POT1: variants seen among roughly 807,000 people sequenced by gnomAD.
POT1 encodes the protein protection of telomeres protein 1.
A neutral mutation model predicts 78.5 loss-of-function variants in POT1; 47 were observed. The observed-to-expected ratio is 0.60, with a 90% confidence interval of 0.47 to 0.76. The LOEUF is 0.76. POT1 is among the 30% of genes least tolerant of loss of function. POT1 has a pLI of 0.00. For synonymous variants in POT1, 259 were observed against 260.7 expected, an observed-to-expected ratio of 0.99 and a Z score of 0.06; for missense variants, 646 against 749.9, an observed-to-expected ratio of 0.86 and a Z score of 1.62.
At chr7:124,871,280 G>C (rs1321794304) in intron 6 of POT1, among the ~76,000 whole-genome samples, 1 of 151,980 alleles carries the variant, frequency 6.6e-6, no homozygotes, top group Non-Finnish European at 1.5e-5. Flanking sequence ...ATCTCATTCA[G>C]TGTAAATTGT....
chr7:124,862,083 A>C (rs1795611695), intron 8 of POT1, among the ~76,000 whole-genome samples: 1 of 151,994 alleles, frequency 6.6e-6, no homozygotes, highest in Non-Finnish European at 1.5e-5. Context: ...TCTTGGCTAT[A>C]TGGGCTCTTT....
chr7:124,917,784 C>T (rs1269866836), intron 2 of POT1, among the ~76,000 whole-genome samples: 1 of 152,032 alleles, frequency 6.6e-6, no homozygotes, highest in Non-Finnish European at 1.5e-5. Context: ...TTGGAATGGG[C>T]CACACTGGTT....
intron 13 of POT1, 32 bp from the exon 14 acceptor site, chr7:124,841,210 C>A: frequency 1.9e-6 from 3 of 1,559,030 alleles, no homozygotes; most frequent in South Asian, 2.3e-5. Flanking sequence ...TGATAGAAAT[C>A]GATTTTGGTG....
intron 3 of POT1, among the ~76,000 whole-genome samples, chr7:124,908,074 G>A (rs897504184): frequency 1.3e-5 from 2 of 151,734 alleles, no homozygotes; most frequent in African/African-American, 4.8e-5. Context: ...GCAAGAAAAG[G>A]GCATTGAAAA....
intron 6 of POT1, among the ~76,000 whole-genome samples, chr7:124,875,573 T>C (rs1306696127): frequency 6.6e-6 from 1 of 152,136 alleles, no homozygotes; most frequent in Non-Finnish European, 1.5e-5. Flanking sequence ...TAACCATTAT[T>C]AGATGAATCA....
At chr7:124,896,235 T>C (rs1479226760) in intron 5 of POT1, among the ~76,000 whole-genome samples, 1 of 151,762 alleles carries the variant, frequency 6.6e-6, no homozygotes, top group Non-Finnish European at 1.5e-5. Flanking sequence ...CTATGCTTGA[T>C]TTAACTTACA....
chr7:124,844,395 C>T (rs372773631), intron 12 of POT1, among the ~76,000 whole-genome samples: 4 of 148,478 alleles, frequency 2.7e-5, no homozygotes, highest in African/African-American at 7.3e-5. Context: ...TCCCAAAGTG[C>T]TGGGATTACG....
chr7:124,827,514 T>G (rs1264215953), intron 16 of POT1, among the ~76,000 whole-genome samples: 1 of 152,198 alleles, frequency 6.6e-6, no homozygotes, highest in Non-Finnish European at 1.5e-5. Context: ...AGGGATTGCC[T>G]GCTTGGTGTG....
intron 15 of POT1, among the ~76,000 whole-genome samples, chr7:124,832,990 C>T (rs946887859): frequency 1.3e-5 from 2 of 152,044 alleles, no homozygotes; most frequent in East Asian, 1.9e-4. Context: ...GGGGAAAGAA[C>T]AAAAGCAAGT....
intron 3 of POT1, among the ~76,000 whole-genome samples, chr7:124,909,015 A>G (rs1424310324): frequency 6.6e-6 from 1 of 151,936 alleles, no homozygotes; most frequent in Non-Finnish European, 1.5e-5. Flanking sequence ...AACCAAGACA[A>G]GAAGCCAAAT....
At chr7:124,854,219 A>G (rs1199424667) in intron 9 of POT1, among the ~76,000 whole-genome samples, 2 of 152,164 alleles carry the variant, frequency 1.3e-5, no homozygotes, top group Non-Finnish European at 2.9e-5. Flanking sequence ...ACCCAAGTCT[A>G]AAAACGAAAT....
chr7:124,894,012 G>A (rs928950447), intron 5 of POT1, among the ~76,000 whole-genome samples: 9 of 151,378 alleles, frequency 5.9e-5, no homozygotes, highest in East Asian at 1.9e-4. Context: ...GAATAAGTTG[G>A]GAAAGAAAAG....
At chr7:124,858,815 T>C (rs1795508783) in intron 9 of POT1, 142 bp downstream of exon 9, 1 of 502,094 alleles carries the variant, frequency 2.0e-6, no homozygotes, top group East Asian at 3.3e-5. Context: ...ACATACATTT[T>C]ACAACTTAAA....
intron 11 of POT1, among the ~76,000 whole-genome samples, chr7:124,850,905 GAA>G (rs34336240): frequency 4.3e-5 from 6 of 140,608 alleles, no homozygotes; most frequent in Non-Finnish European, 7.8e-5. Context: ...GAGTTAGGTA[GAA>G]AAAAAAAAAA....
intron 6 of POT1, among the ~76,000 whole-genome samples, chr7:124,877,503 G>C (rs1179858694): frequency 6.6e-6 from 1 of 151,946 alleles, no homozygotes; most frequent in Non-Finnish European, 1.5e-5. Context: ...GATTGGAGCA[G>C]AAGAAAGGGA....
chr7:124,833,401 T>G (rs570393200), intron 15 of POT1, among the ~76,000 whole-genome samples: 1 of 152,276 alleles, frequency 6.6e-6, no homozygotes, highest in African/African-American at 2.4e-5. Flanking sequence ...TTGCTACAAA[T>G]GTAGAAGTCG....
chr7:124,851,904 A>G lies in POT1; in HGVS notation c.917T>C (p.Ile306Thr). The G allele has an allele frequency of 1.2e-6, 2 of 1,611,632 alleles. No homozygotes were observed. The highest frequency in any genetic ancestry group is 1.7e-6 in the Non-Finnish European group (2 of 1,177,974). ...NLTANQHSDV[I>T]CQSEPDDSFP... ...GCTGTCGTCAGGTTCTGATTGACAG[A>G]TAACATCTGAATGCTGATTGGCTGT... Residue 306 changes from isoleucine to threonine, a missense_variant, in exon 11 of 19, where the codon ATC (isoleucine) becomes ACC (threonine). Physicochemically the swap from Ile to Thr is moderately conservative, Grantham distance 89. Around this residue, in one of 2 missense-constraint regions of POT1, gnomAD observed 394 missense variants for 408.4 expected, o/e 0.96. Transcript: ENST00000357628.
At chr7:124,885,466 T>C (rs969310789) in intron 6 of POT1, among the ~76,000 whole-genome samples, 2 of 151,370 alleles carry the variant, frequency 1.3e-5, no homozygotes, top group African/African-American at 2.4e-5. Flanking sequence ...AGCAAGACCC[T>C]GTCTCTCTTA....
chr7:124,832,132 A>T (rs1794776627), intron 15 of POT1, among the ~76,000 whole-genome samples: 1 of 151,064 alleles, frequency 6.6e-6, no homozygotes, highest in Non-Finnish European at 1.5e-5. Flanking sequence ...GGTGGTGTGC[A>T]CCTGTAGTCC....
Sources: gnomAD v4.1 joint callset for allele counts (sites outside exome capture counted in the v4.1 genomes callset) on GRCh38, gnomAD v4.1.1 for gene constraint, gnomAD v4.1.1 regional missense constraint, MANE v1.5 for transcripts, NCBI Gene and HGNC (gene_info 2026-07-23, HGNC 2026-07-21) for gene names.